The following IQSEC1 variants were observed in gnomAD, a reference collection of about 807,000 sequenced individuals.
The protein encoded by IQSEC1 is IQ motif and SEC7 domain-containing protein 1.
IQSEC1 carries 31 observed loss-of-function variants against 91.0 expected under a neutral mutation model. That is an observed-to-expected ratio of 0.34 (90% CI 0.26 to 0.46). IQSEC1 has a LOEUF of 0.46. IQSEC1 is among the 20% of genes least tolerant of loss of function. The pLI is 1.00. For synonymous variants in IQSEC1, 699 were observed against 662.6 expected (o/e 1.05, Z -0.84); for missense variants, 1,388 against 1,575.6 (o/e 0.88, Z 2.02).
intron 2 of IQSEC1, among the ~76,000 whole-genome samples, chr3:13,107,723 C>G (rs1706174686): frequency 1.3e-5 from 2 of 152,264 alleles, no homozygotes; most frequent in East Asian, 3.8e-4. Context: ...GTGGGGACCA[C>G]TCAATTGACC....
intron 2 of IQSEC1, among the ~76,000 whole-genome samples, chr3:13,150,400 AAACTTGTCAGCTTAGCAGGG>A (rs1206699719): frequency 6.6e-6 from 1 of 152,212 alleles, no homozygotes; most frequent in Non-Finnish European, 1.5e-5. Context: ...TTAAGTTTTT[AAACTTGTCAGCTTAGCAGGG>A]AACTTGTCAG....
At chr3:12,971,076 T>G (rs1700867948) in intron 1 of IQSEC1, among the ~76,000 whole-genome samples, 1 of 152,238 alleles carries the variant, frequency 6.6e-6, no homozygotes, top group South Asian at 2.1e-4. Context: ...TCTTCCATGC[T>G]ATGATGATGA....
chr3:13,262,982 C>A (rs1695414949), intron 1 of IQSEC1, among the ~76,000 whole-genome samples: 1 of 151,978 alleles, frequency 6.6e-6, no homozygotes, highest in Non-Finnish European at 1.5e-5. Flanking sequence ...GGTTGCACAA[C>A]AATGTGAATG....
At chr3:12,903,850 C>T (rs547862283) in intron 12 of IQSEC1, among the ~76,000 whole-genome samples, 23 of 152,350 alleles carry the variant, frequency 1.5e-4, no homozygotes, top group African/African-American at 4.3e-4. Flanking sequence ...CTGCGCTGGA[C>T]ATGTCAACCC....
intron 1 of IQSEC1, among the ~76,000 whole-genome samples, chr3:13,039,475 C>T (rs572245523): frequency 2.0e-5 from 3 of 152,352 alleles, no homozygotes; most frequent in African/African-American, 4.8e-5. Flanking sequence ...TTTTAAACAA[C>T]GGAATATGGC....
chr3:13,247,777 A>AC (rs1368079701), intron 1 of IQSEC1, among the ~76,000 whole-genome samples: 1 of 150,928 alleles, frequency 6.6e-6, no homozygotes, highest in Non-Finnish European at 1.5e-5. Flanking sequence ...GGCTGTTGAC[A>AC]CCCCCCAGCC....
chr3:13,072,616 G>A (rs1169192714), intron 1 of IQSEC1, among the ~76,000 whole-genome samples: 1 of 152,264 alleles, frequency 6.6e-6, no homozygotes, highest in African/African-American at 2.4e-5. Context: ...CATGGCTGAA[G>A]GGCTGGCCAT....
chr3:13,245,766 CAAA>C (rs60741725), intron 1 of IQSEC1, among the ~76,000 whole-genome samples: 192 of 114,106 alleles, frequency 1.7e-3, no homozygotes, highest in African/African-American at 4.3e-3. Flanking sequence ...GACCCTGTTT[CAAA>C]AAAAAAAAAA....
At chr3:13,017,206 C>T (rs2124948299) in intron 1 of IQSEC1, among the ~76,000 whole-genome samples, 1 of 146,672 alleles carries the variant, frequency 6.8e-6, no homozygotes, top group Non-Finnish European at 1.5e-5. Context: ...GTCATCCCTC[C>T]CTGTTTTATT....
At chr3:13,121,460 G>GATGA (rs1576259643) in intron 2 of IQSEC1, among the ~76,000 whole-genome samples, 1 of 152,098 alleles carries the variant, frequency 6.6e-6, no homozygotes, top group Non-Finnish European at 1.5e-5. Context: ...TGAGTGAGTG[G>GATGA]ATGAATGAAT....
intron 1 of IQSEC1, among the ~76,000 whole-genome samples, chr3:13,234,275 T>C (rs548961553): frequency 0.031 from 3,967 of 129,724 alleles, 28 homozygotes; most frequent in East Asian, 0.15. Context: ...TGGGTGTGAG[T>C]CCCCGTGTCT....
chr3:12,959,852 G>A (rs1357704782), intron 1 of IQSEC1, among the ~76,000 whole-genome samples: 1 of 152,176 alleles, frequency 6.6e-6, no homozygotes, highest in Non-Finnish European at 1.5e-5. Flanking sequence ...ATAACGCTAA[G>A]ACTCTGCTAT....
chr3:13,056,041 C>T (rs562578391), intron 1 of IQSEC1, among the ~76,000 whole-genome samples: 2 of 152,238 alleles, frequency 1.3e-5, no homozygotes, highest in South Asian at 4.1e-4. Flanking sequence ...AAGACAGCAG[C>T]ACGAGTCATG....
chr3:13,121,767 T>C (rs1205790412), intron 2 of IQSEC1, among the ~76,000 whole-genome samples: 2 of 152,102 alleles, frequency 1.3e-5, no homozygotes, highest in Admixed American at 1.3e-4. Flanking sequence ...CGCTCCATGG[T>C]CGCTGGAGCA....
intron 1 of IQSEC1, among the ~76,000 whole-genome samples, chr3:13,204,538 C>A (rs909678962): frequency 1.6e-4 from 25 of 152,226 alleles, no homozygotes; most frequent in Non-Finnish European, 1.5e-5. Context: ...GAGCGGCTCA[C>A]GCTGCGCCTC....
chr3:13,054,865 G>A (rs1437370421), intron 1 of IQSEC1, among the ~76,000 whole-genome samples: 1 of 152,224 alleles, frequency 6.6e-6, no homozygotes, highest in Non-Finnish European at 1.5e-5. Context: ...ACATGACCCC[G>A]CCTGAGCCTC....
At chr3:13,015,215 T>C (rs910402176) in intron 1 of IQSEC1, among the ~76,000 whole-genome samples, 4 of 152,192 alleles carry the variant, frequency 2.6e-5, no homozygotes, top group African/African-American at 9.6e-5. Context: ...AGAGTCCATC[T>C]TTCTCAGGGT....
intron 2 of IQSEC1, among the ~76,000 whole-genome samples, chr3:13,109,999 C>T (rs559472076): frequency 1.3e-5 from 2 of 151,090 alleles, no homozygotes; most frequent in East Asian, 4.0e-4. Flanking sequence ...TCTCCTGCCT[C>T]AGCCTCCCCA....
intron 2 of IQSEC1, among the ~76,000 whole-genome samples, chr3:13,128,588 G>A (rs974385786): frequency 2.0e-5 from 3 of 152,064 alleles, no homozygotes; most frequent in Non-Finnish European, 4.4e-5. Flanking sequence ...ACATCTAGCC[G>A]GGCACAGTGG....
Sources: allele counts gnomAD v4.1 joint callset (sites outside exome capture counted in the v4.1 genomes callset), GRCh38; gene constraint gnomAD v4.1.1; transcripts MANE v1.5; gene names NCBI Gene and HGNC (gene_info 2026-07-23, HGNC 2026-07-21).